The following MMP16 variants were observed in gnomAD, a reference collection of about 807,000 sequenced individuals.
MMP16 encodes matrix metallopeptidase 16.
In MMP16, 12 loss-of-function variants were observed where a neutral mutation model predicts 67.8. That is an observed-to-expected ratio of 0.18 (90% CI 0.11 to 0.29). MMP16 has a LOEUF of 0.29. Ranked by LOEUF, MMP16 falls within the 10% of genes least tolerant of loss-of-function variation. The pLI is 1.00. For missense variants in MMP16, 475 were observed against 765.7 expected (o/e 0.62, Z 4.48); for synonymous variants, 249 against 255.9 (o/e 0.97, Z 0.26).
chr8:88,295,898 T>C (rs754641733), intron 1 of MMP16, among the ~76,000 whole-genome samples: 16 of 152,276 alleles, frequency 1.1e-4, no homozygotes, highest in Non-Finnish European at 1.9e-4. Flanking sequence ...GCCATTTTTC[T>C]CTAACAATAA....
At chr8:88,077,328 T>A (rs779993857) in intron 6 of MMP16, among the ~76,000 whole-genome samples, 10 of 152,160 alleles carry the variant, frequency 6.6e-5, no homozygotes, top group Non-Finnish European at 1.2e-4. Flanking sequence ...TGTGAACAAT[T>A]CATAGAGAAA....
intron 1 of MMP16, among the ~76,000 whole-genome samples, chr8:88,241,059 C>T (rs1285967006): frequency 5.3e-5 from 8 of 151,046 alleles, no homozygotes; most frequent in Admixed American, 4.6e-4. Context: ...TCTAATGTAG[C>T]ATCTGGACTA....
intron 1 of MMP16, among the ~76,000 whole-genome samples, chr8:88,277,745 G>A (rs920248238): frequency 6.6e-6 from 1 of 152,144 alleles, no homozygotes; most frequent in Non-Finnish European, 1.5e-5. Context: ...TGCACTGTGT[G>A]TAAGACCAGT....
chr8:88,195,088 CA>C (rs1213422713), intron 2 of MMP16, among the ~76,000 whole-genome samples: 3 of 152,170 alleles, frequency 2.0e-5, no homozygotes, highest in Non-Finnish European at 2.9e-5. Context: ...ATCCTCCTGC[CA>C]GAGAACAGCA....
chr8:88,068,665 T>G (rs1808494360), intron 7 of MMP16, among the ~76,000 whole-genome samples: 1 of 152,138 alleles, frequency 6.6e-6, no homozygotes, highest in Admixed American at 6.6e-5. Context: ...TATTATAGCT[T>G]TAAAATAAGA....
intron 1 of MMP16, among the ~76,000 whole-genome samples, chr8:88,300,845 A>C (rs1480979526): frequency 6.6e-6 from 1 of 152,152 alleles, no homozygotes; most frequent in Non-Finnish European, 1.5e-5. Flanking sequence ...AAGAGCCTGA[A>C]GTAAGAGTAA....
chr8:88,143,963 C>G (rs1390540289), intron 4 of MMP16, among the ~76,000 whole-genome samples: 1 of 151,858 alleles, frequency 6.6e-6, no homozygotes, highest in East Asian at 1.9e-4. Flanking sequence ...GAGAAATGTA[C>G]ATTTCTCCAA....
At chr8:88,228,044 C>T (rs1017121583) in intron 1 of MMP16, among the ~76,000 whole-genome samples, 6 of 152,074 alleles carry the variant, frequency 3.9e-5, no homozygotes, top group South Asian at 2.1e-4. Context: ...TATTCAAACA[C>T]GACTAATCAA....
At chr8:88,051,764 C>A (rs1255454378) in intron 8 of MMP16, among the ~76,000 whole-genome samples, 2 of 151,962 alleles carry the variant, frequency 1.3e-5, no homozygotes, top group Non-Finnish European at 2.9e-5. Flanking sequence ...TTTGAAAATA[C>A]CTTAAAATTC....
intron 6 of MMP16, among the ~76,000 whole-genome samples, chr8:88,098,285 C>T (rs1809064512): frequency 6.6e-6 from 1 of 152,012 alleles, no homozygotes; most frequent in African/African-American, 2.4e-5. Context: ...ACTATGGGTG[C>T]TCATCTGAGT....
chr8:88,223,062 C>A (rs1250695253), intron 1 of MMP16, among the ~76,000 whole-genome samples: 3 of 151,806 alleles, frequency 2.0e-5, no homozygotes, highest in Middle Eastern at 3.4e-3. Context: ...TCTCAAAAGA[C>A]ATTTACACAG....
intron 4 of MMP16, among the ~76,000 whole-genome samples, chr8:88,128,895 C>A (rs2118466013): frequency 6.6e-6 from 1 of 151,828 alleles, no homozygotes; most frequent in Non-Finnish European, 1.5e-5. Flanking sequence ...TGGTTCATTT[C>A]CACCTCCTAA....
intron 4 of MMP16, among the ~76,000 whole-genome samples, chr8:88,126,910 G>A (rs1807942190): frequency 6.6e-6 from 1 of 151,806 alleles, no homozygotes; most frequent in Non-Finnish European, 1.5e-5. Context: ...ACTGCAAAGA[G>A]TGGTAATTTC....
chr8:88,138,767 C>T (rs1317808002), intron 4 of MMP16, among the ~76,000 whole-genome samples: 1 of 152,086 alleles, frequency 6.6e-6, no homozygotes, highest in Non-Finnish European at 1.5e-5. Context: ...CTTCACATCT[C>T]ATGTCTTGGA....
chr8:88,143,190 C>T (rs2118506411), intron 4 of MMP16, among the ~76,000 whole-genome samples: 1 of 152,076 alleles, frequency 6.6e-6, no homozygotes, highest in African/African-American at 2.4e-5. Flanking sequence ...GGTGGTGGTA[C>T]TCAGAGTGGT....
At chr8:88,239,460 T>C (rs528523948) in intron 1 of MMP16, among the ~76,000 whole-genome samples, 5 of 152,210 alleles carry the variant, frequency 3.3e-5, no homozygotes, top group African/African-American at 9.6e-5. Context: ...TTGAGGTACA[T>C]TGCTAAAAAT....
At chr8:88,169,087 C>G (rs955823116) in intron 3 of MMP16, among the ~76,000 whole-genome samples, 1 of 152,014 alleles carries the variant, frequency 6.6e-6, no homozygotes, top group Non-Finnish European at 1.5e-5. Context: ...TAAAAGAGAA[C>G]TGAAACTGAA....
At chr8:88,079,184 C>A (rs17720271) in intron 6 of MMP16, among the ~76,000 whole-genome samples, 26,663 of 152,052 alleles carry the variant, frequency 0.18, 2,713 homozygotes, top group Middle Eastern at 0.24. Context: ...AGACACCTTG[C>A]AGGCAGTTTG....
intron 1 of MMP16, among the ~76,000 whole-genome samples, chr8:88,264,072 T>A (rs200124854): frequency 0.13 from 230 of 1,828 alleles, 5 homozygotes; most frequent in South Asian, 0.45. Flanking sequence ...AGAGAGAGTG[T>A]GTGTGTGTGT....
Sources: gnomAD v4.1 joint callset for allele counts (sites outside exome capture counted in the v4.1 genomes callset) on GRCh38, gnomAD v4.1.1 for gene constraint, MANE v1.5 for transcripts, NCBI Gene and HGNC (gene_info 2026-07-23, HGNC 2026-07-21) for gene names.